PTPRT: variants seen among roughly 807,000 people sequenced by gnomAD.
PTPRT encodes the protein protein tyrosine phosphatase receptor type T, also known as receptor-type tyrosine-protein phosphatase T.
A neutral mutation model predicts 176.8 loss-of-function variants in PTPRT; 56 were observed. That is an observed-to-expected ratio of 0.32 (90% CI 0.26 to 0.40). The LOEUF (loss-of-function observed/expected upper bound fraction) is 0.40. PTPRT is among the 10% of genes least tolerant of loss of function. PTPRT has a pLI of 1.00. For synonymous variants in PTPRT, 783 were observed against 739.0 expected, an observed-to-expected ratio of 1.06 and a Z score of -0.96; for missense variants, 1,540 against 1,908.2, an observed-to-expected ratio of 0.81 and a Z score of 3.60.
chr20:42,564,055 G>C (rs1007417549), intron 7 of PTPRT, among the ~76,000 whole-genome samples: 6 of 152,110 alleles, frequency 3.9e-5, no homozygotes, highest in South Asian at 4.1e-4. Flanking sequence ...GTGGGGGTGG[G>C]GTGTTTACAG....
chr20:42,944,043 T>C (rs73099999), intron 1 of PTPRT, among the ~76,000 whole-genome samples: 17,241 of 149,378 alleles, frequency 0.12, 1,327 homozygotes, highest in Non-Finnish European at 0.17. Flanking sequence ...AATAAATAAA[T>C]AAACAAACAA....
the PTPRT span, among the ~76,000 whole-genome samples, chr20:42,060,587 G>C: frequency 6.6e-6 from 1 of 152,190 alleles, no homozygotes; most frequent in African/African-American, 2.4e-5. Context: ...GTTTTAAAAA[G>C]AGGAGTTCCC....
chr20:42,568,445 C>CA (rs767027180), intron 7 of PTPRT, among the ~76,000 whole-genome samples: 7 of 152,166 alleles, frequency 4.6e-5, no homozygotes, highest in African/African-American at 1.7e-4. Context: ...TACCACTGCT[C>CA]ACTTCGTAAG....
chr20:42,860,508 T>C (rs1027195000), intron 2 of PTPRT, among the ~76,000 whole-genome samples: 3 of 152,210 alleles, frequency 2.0e-5, no homozygotes, highest in East Asian at 3.8e-4. Context: ...TACCAAGCCT[T>C]CCCATCCAGA....
chr20:42,839,706 C>G (rs925418781), intron 2 of PTPRT, among the ~76,000 whole-genome samples: 7 of 152,168 alleles, frequency 4.6e-5, no homozygotes, highest in African/African-American at 9.7e-5. Context: ...ATGGCATAGT[C>G]TGGAGGGTCG....
At chr20:42,999,893 T>C (rs1984453661) in intron 1 of PTPRT, among the ~76,000 whole-genome samples, 1 of 152,022 alleles carries the variant, frequency 6.6e-6, no homozygotes, top group South Asian at 2.1e-4. Flanking sequence ...TTCTTATCAA[T>C]ATGGCTAAAT....
At chr20:42,430,551 T>C (rs1239310987) in intron 9 of PTPRT, among the ~76,000 whole-genome samples, 2 of 152,144 alleles carry the variant, frequency 1.3e-5, no homozygotes, top group Non-Finnish European at 2.9e-5. Flanking sequence ...ACAGAGGCTG[T>C]GGAAGGGCAT....
At chr20:42,689,177 T>C (rs185264626) in intron 6 of PTPRT, among the ~76,000 whole-genome samples, 9 of 152,262 alleles carry the variant, frequency 5.9e-5, no homozygotes, top group Admixed American at 5.9e-4. Flanking sequence ...ATACCTCCAA[T>C]CCTGTCCCCA....
rs79055355 is a variant in PTPRT, at chr20:42,522,331, T to G, written c.1154-49769A>C. Among the ~76,000 whole-genome samples the G allele has an allele frequency of 8.1e-3, 1,228 of 152,030 alleles. 28 individuals are homozygous for G. Among genetic ancestry groups the G allele is most frequent in the African/African-American group, 0.029 (1,193 of 41,438 alleles). ...GAGTCCTATGACTACATTCTGAGTT[T>G]TCTAATTCTGATTTTTGTTGTTGTG... is the stretch of plus-strand genomic sequence containing the variant. On this transcript the variant is annotated intron_variant, in intron 7 of 30. Coordinates refer to ENST00000373187, the MANE Select transcript of PTPRT (RefSeq NM_007050.6).
At chr20:43,110,479 CAG>C (rs2012808114) in intron 1 of PTPRT, among the ~76,000 whole-genome samples, 2 of 152,196 alleles carry the variant, frequency 1.3e-5, no homozygotes, top group South Asian at 4.2e-4. Flanking sequence ...AACATCACTC[CAG>C]AGTTAACAGA....
chr20:42,746,388 C>G (rs2145362098), intron 6 of PTPRT, among the ~76,000 whole-genome samples: 1 of 152,220 alleles, frequency 6.6e-6, no homozygotes, highest in Middle Eastern at 3.4e-3. Flanking sequence ...GAACCGGGCA[C>G]CCATGAGGAG....
At chr20:42,541,420 C>A (rs1281114910) in intron 7 of PTPRT, among the ~76,000 whole-genome samples, 2 of 151,186 alleles carry the variant, frequency 1.3e-5, no homozygotes, top group East Asian at 1.9e-4. Context: ...TAGAAGTAGA[C>A]AAAATTACAG....
intron 12 of PTPRT, among the ~76,000 whole-genome samples, chr20:42,303,840 G>A (rs886087846): frequency 3.3e-5 from 5 of 152,112 alleles, no homozygotes; most frequent in African/African-American, 1.2e-4. Flanking sequence ...ACTTGGTGAT[G>A]GCTGAATATA....
intron 27 of PTPRT, among the ~76,000 whole-genome samples, chr20:42,092,273 G>A (rs573792752): frequency 6.6e-6 from 1 of 152,306 alleles, no homozygotes; most frequent in Middle Eastern, 3.4e-3. Context: ...ATATCTCTCC[G>A]ACTAAAGCCT....
chr20:42,749,182 A>G (rs74417086), intron 6 of PTPRT, among the ~76,000 whole-genome samples: 6,568 of 152,230 alleles, frequency 0.043, 180 homozygotes, highest in Middle Eastern at 0.061. Context: ...GGCCATGGAT[A>G]GGGTCCGTCA....
chr20:42,571,117 A>G (rs923571627), intron 7 of PTPRT, among the ~76,000 whole-genome samples: 14 of 152,348 alleles, frequency 9.2e-5, no homozygotes, highest in South Asian at 2.1e-4. Context: ...TGATGCTGTA[A>G]TATTTGGTAG....
intron 15 of PTPRT, among the ~76,000 whole-genome samples, chr20:42,204,014 C>T (rs147382820): frequency 8.5e-5 from 13 of 152,208 alleles, no homozygotes; most frequent in African/African-American, 2.4e-4. Flanking sequence ...ACTTGTTGCA[C>T]GAATTTATAC....
intron 6 of PTPRT, among the ~76,000 whole-genome samples, chr20:42,742,807 CT>C (rs1391399896): frequency 1.3e-5 from 2 of 152,214 alleles, no homozygotes; most frequent in African/African-American, 4.8e-5. Context: ...AAGAAACATC[CT>C]TCTGTCCCTT....
At chr20:42,476,722 G>A (rs1013082147) in intron 7 of PTPRT, among the ~76,000 whole-genome samples, 3 of 152,176 alleles carry the variant, frequency 2.0e-5, no homozygotes, top group African/African-American at 7.2e-5. Context: ...CTCGCATTCA[G>A]GAAAGGGAAA....
Sources: gnomAD v4.1 joint callset for allele counts (sites outside exome capture counted in the v4.1 genomes callset) on GRCh38, gnomAD v4.1.1 for gene constraint, MANE v1.5 for transcripts, NCBI Gene and HGNC (gene_info 2026-07-23, HGNC 2026-07-21) for gene names.